LYPD6: variants seen among roughly 807,000 people sequenced by gnomAD.
LYPD6 encodes the protein LY6/PLAUR domain containing 6.
In LYPD6, 15 loss-of-function variants were observed where a neutral mutation model predicts 22.7. The ratio of observed to expected loss-of-function variants is 0.66; its 90% CI spans 0.44 to 1.02. The LOEUF is 1.02. Among genes scored for constraint, LYPD6 ranks in the 50% least tolerant of loss-of-function variants. The pLI, the probability that LYPD6 is intolerant of heterozygous loss-of-function variation, is 0.00. For missense variants in LYPD6, 189 were observed against 208.4 expected (o/e 0.91, Z 0.57); for synonymous variants, 72 against 77.5 (o/e 0.93, Z 0.37).
intron 1 of LYPD6, among the ~76,000 whole-genome samples, chr2:149,385,908 G>A (rs2105092755): frequency 6.6e-6 from 1 of 152,204 alleles, no homozygotes; most frequent in African/African-American, 2.4e-5. Context: ...CCCTTTCCAG[G>A]GGTTGGAAGA....
intron 3 of LYPD6, among the ~76,000 whole-genome samples, chr2:149,461,287 A>C (rs1246441269): frequency 6.6e-6 from 1 of 151,986 alleles, no homozygotes; most frequent in African/African-American, 2.4e-5. Context: ...CAAAAACATA[A>C]GTTTGACAAG....
intron 1 of LYPD6, among the ~76,000 whole-genome samples, chr2:149,339,870 G>A (rs1257849666): frequency 1.3e-5 from 2 of 152,222 alleles, no homozygotes; most frequent in Middle Eastern, 3.4e-3. Context: ...TAGGCAAAAC[G>A]AAAGTATTGG....
In LYPD6 at chr2:149,338,052, C is replaced by T. The variant is rs1254083116; in HGVS notation, c.-72+7330C>T. Among the ~76,000 whole-genome samples the T allele has an allele frequency of 4.2e-5, 6 of 142,310 alleles. No individual in the cohort carries two copies. In the East Asian group the frequency reaches 9.7e-4, roughly 23 times the overall value. The allele number at this position is 142,310 out of a possible 152,430, so 93.4% of individuals were successfully genotyped here. A position where few individuals can be genotyped will look rare whatever the true frequency, so the allele number is the denominator to read the frequency against. ...CTGTTGATGAGCATTTAGGTTGATTCCATGTATTTGCATTTAGGTTGATTC... is the reference window on the plus strand; with the variant it reads ...CTGTTGATGAGCATTTAGGTTGATTTCATGTATTTGCATTTAGGTTGATTC... On this transcript the variant is annotated intron_variant, in intron 1 of 4. Transcript: ENST00000334166.
chr2:149,407,941 T>C (rs1302298792), intron 1 of LYPD6, among the ~76,000 whole-genome samples: 2 of 152,226 alleles, frequency 1.3e-5, no homozygotes, highest in African/African-American at 4.8e-5. Context: ...TTGTTAGTTT[T>C]CCTTCTAACA....
intron 1 of LYPD6, among the ~76,000 whole-genome samples, chr2:149,431,109 A>T (rs1683302758): frequency 6.6e-6 from 1 of 152,186 alleles, no homozygotes; most frequent in Non-Finnish European, 1.5e-5. Flanking sequence ...TAGAGCACAA[A>T]TTAAATCTGT....
At chr2:149,424,796 G>A (rs1683156321) in intron 1 of LYPD6, among the ~76,000 whole-genome samples, 1 of 152,186 alleles carries the variant, frequency 6.6e-6, no homozygotes, top group Non-Finnish European at 1.5e-5. Flanking sequence ...GTGGTAGGCA[G>A]GCACCAGATC....
chr2:149,445,644 T>C (rs1258576788), intron 2 of LYPD6, among the ~76,000 whole-genome samples: 1 of 152,250 alleles, frequency 6.6e-6, no homozygotes, highest in African/African-American at 2.4e-5. Context: ...AGCTGCAGAC[T>C]TTTCTTCTGC....
chr2:149,480,912 A>G, the LYPD6 span, among the ~76,000 whole-genome samples: 2 of 152,196 alleles, frequency 1.3e-5, no homozygotes, highest in South Asian at 2.1e-4. Context: ...TTGAAGGCAT[A>G]TCCCATCTTC....
At chr2:149,474,189 CTTTTTTTTTGTTTCGT>C, downstream of LYPD6, 1 of 151,344 alleles carries the variant, frequency 6.6e-6, no homozygotes, top group Non-Finnish European at 1.5e-5. Context: ...TTCTCCTCCT[CTTTTTTTTTGTTTCGT>C]TTTTTTGAGA....
the LYPD6 span, among the ~76,000 whole-genome samples, chr2:149,481,401 A>G: frequency 5.3e-5 from 8 of 152,352 alleles, no homozygotes; most frequent in Non-Finnish European, 1.2e-4. Flanking sequence ...TTCACAAAGC[A>G]ATTTGGCAGT....
At position 149,437,722 on chromosome 2, in the gene LYPD6, C is replaced by T. The variant is rs573729628; in HGVS notation, c.14C>T (p.Pro5Leu). 227 of 1,614,130 alleles carry T rather than the reference C, an allele frequency of 1.4e-4. 3 individuals carry two copies. In the South Asian group the frequency reaches 2.4e-3, roughly 17 times the overall value. MEPG[P>L]ALAWLLLLSL... The stretch of plus-strand genomic sequence containing the variant: ...CTTCAGTCTGCCATGGAACCTGGCC[C>T]TGCTCTGGCCTGGCTCCTGCTCCTG... The change falls in exon 2 of 5, where the codon CCT (proline) becomes CTT (leucine). Residue 5 changes from proline (P) to leucine (L), a missense_variant. By Grantham distance (98) the Pro-to-Leu change is moderately conservative (BLOSUM62 -3). Transcript: ENST00000334166.
chr2:149,458,343 A>G (rs1056795901), intron 3 of LYPD6, among the ~76,000 whole-genome samples: 1 of 152,184 alleles, frequency 6.6e-6, no homozygotes, highest in Non-Finnish European at 1.5e-5. Flanking sequence ...GGTTGTGTCA[A>G]AGGAGGCTTA....
intron 1 of LYPD6, among the ~76,000 whole-genome samples, chr2:149,370,364 C>G (rs905176797): frequency 1.3e-5 from 2 of 152,036 alleles, no homozygotes; most frequent in Non-Finnish European, 2.9e-5. Context: ...TATGTTGGAA[C>G]TTAATTTCCA....
chr2:149,422,755 T>G (rs1222084805), intron 1 of LYPD6, among the ~76,000 whole-genome samples: 2 of 152,158 alleles, frequency 1.3e-5, no homozygotes, highest in African/African-American at 2.4e-5. Context: ...GTCTCCCATC[T>G]ATCTGTCTTC....
At chr2:149,413,712 T>C (rs1682901641) in intron 1 of LYPD6, among the ~76,000 whole-genome samples, 1 of 152,186 alleles carries the variant, frequency 6.6e-6, no homozygotes, top group South Asian at 2.1e-4. Context: ...TTTGTGTGTT[T>C]TAAAGTGTTG....
At chr2:149,451,150 T>G (rs1683797683) in intron 3 of LYPD6, among the ~76,000 whole-genome samples, 1 of 152,208 alleles carries the variant, frequency 6.6e-6, no homozygotes, top group Non-Finnish European at 1.5e-5. Flanking sequence ...CGGCAGGTTC[T>G]AGAAGGGCAT....
At chr2:149,378,694 T>G (rs1020982365) in intron 1 of LYPD6, among the ~76,000 whole-genome samples, 2 of 152,200 alleles carry the variant, frequency 1.3e-5, no homozygotes, top group African/African-American at 4.8e-5. Context: ...GCCAGCCACC[T>G]TGTGTCTTCC....
downstream of LYPD6, among the ~76,000 whole-genome samples, chr2:149,478,658 A>C (rs1195156283): frequency 6.6e-6 from 1 of 152,054 alleles, no homozygotes; most frequent in Non-Finnish European, 1.5e-5. Flanking sequence ...TCCTGGCCTC[A>C]AGTGATCTGC....
At chr2:149,442,845 A>G (rs1353458905) in intron 2 of LYPD6, among the ~76,000 whole-genome samples, 3 of 152,126 alleles carry the variant, frequency 2.0e-5, no homozygotes, top group Non-Finnish European at 4.4e-5. Context: ...GTGATTATTC[A>G]CTAATTGGTA....
Sources: allele counts gnomAD v4.1 joint callset (sites outside exome capture counted in the v4.1 genomes callset), GRCh38; gene constraint gnomAD v4.1.1; transcripts MANE v1.5; gene names NCBI Gene and HGNC (gene_info 2026-07-23, HGNC 2026-07-21).